The following AXIN1 variants were observed in gnomAD, a reference collection of about 807,000 sequenced individuals.
AXIN1 encodes axin 1, also known as axin-1.
A neutral mutation model predicts 76.4 loss-of-function variants in AXIN1; 30 were observed. That is an observed-to-expected ratio of 0.39 (90% CI 0.29 to 0.53). AXIN1 has a LOEUF of 0.53. Among genes scored for constraint, AXIN1 ranks in the 20% least tolerant of loss-of-function variants. The pLI is 0.66. For synonymous variants in AXIN1, 545 were observed against 501.4 expected, an observed-to-expected ratio of 1.09 and a Z score of -1.16; for missense variants, 1,140 against 1,198.8, an observed-to-expected ratio of 0.95 and a Z score of 0.72.
intron 8 of AXIN1, chr16:291,570 G>C: frequency 1.9e-6 from 1 of 528,530 alleles, no homozygotes; most frequent in Admixed American, 3.1e-5. Context: ...CTTCCGATCA[G>C]GGGTGCTGGG....
intron 2 of AXIN1, among the ~76,000 whole-genome samples, chr16:321,173 C>T (rs1265556335): frequency 2.6e-5 from 4 of 151,392 alleles, no homozygotes; most frequent in Non-Finnish European, 4.4e-5. Flanking sequence ...CCTCCTGCTA[C>T]CCACGCTCTG....
chr16:351,545 G>A (rs2054142789), intron 1 of AXIN1, among the ~76,000 whole-genome samples: 2 of 152,076 alleles, frequency 1.3e-5, no homozygotes, highest in East Asian at 1.9e-4. Flanking sequence ...GGGAGGCGGA[G>A]GTTGCAGTGA....
intron 2 of AXIN1, among the ~76,000 whole-genome samples, chr16:341,676 G>T (rs963223954): frequency 6.6e-6 from 1 of 152,262 alleles, no homozygotes; most frequent in Admixed American, 6.5e-5. Flanking sequence ...ACCCCGGTGC[G>T]GGATCCACTG....
chr16:300,772 C>T (rs553461088), intron 5 of AXIN1, among the ~76,000 whole-genome samples: 3 of 152,250 alleles, frequency 2.0e-5, no homozygotes, highest in East Asian at 1.9e-4. Context: ...CTAAAGGGCC[C>T]GGGCACTCTG....
intron 6 of AXIN1, 112 bp from the exon 7 acceptor site, chr16:297,338 C>A: frequency 7.1e-7 from 1 of 1,410,896 alleles, no homozygotes; most frequent in Non-Finnish European, 9.8e-7. Context: ...GGTGCAGCCG[C>A]CGCCCGCTGT....
rs1173131320 is a variant in AXIN1, at chr16:352,366, C to T, written c.-82+3G>A. On this transcript the variant is annotated splice_donor_region_variant and intron_variant, in intron 1 of 10. Coordinates refer to ENST00000262320, the MANE Select transcript of AXIN1 (RefSeq NM_003502.4). ...GCCCGCCCCGGAGCCCGGCCCTACT[C>T]ACCCGCGCGCGGTGGTGGCGGGACC... 1.0e-5 allele frequency: 10 copies of T among 980,312 alleles called. No individual in the cohort carries two copies. The African/African-American group carries it at 1.6e-4, about 16-fold the overall frequency. 60.7% of individuals were successfully genotyped at this position (980,312 alleles called of 1,614,324 possible).
chr16:318,433 T>C (rs1466240865), intron 2 of AXIN1, among the ~76,000 whole-genome samples: 1 of 152,122 alleles, frequency 6.6e-6, no homozygotes. Context: ...TGTTTACTAT[T>C]GATCTTCGTA....
In AXIN1 at chr16:310,905, C is replaced by T. The variant is rs139172765; in HGVS notation, c.1020-836G>A. ...ATTTCAGGATTGCACAGTGGGCAGC[C>T]AGGACAACCAGTGCCCCACGGAAAG... On this transcript the variant is annotated intron_variant, in intron 3 of 10. Coordinates refer to ENST00000262320, the MANE Select transcript of AXIN1 (RefSeq NM_003502.4). Among the ~76,000 whole-genome samples, 281 of 152,382 alleles carry T rather than the reference C, an allele frequency of 1.8e-3. 2 individuals are homozygous for T. The highest frequency in any genetic ancestry group is 6.2e-3 in the African/African-American group (258 of 41,600).
intron 2 of AXIN1, among the ~76,000 whole-genome samples, chr16:321,002 T>A (rs1050129898): frequency 1.1e-4 from 17 of 152,098 alleles, no homozygotes; most frequent in Non-Finnish European, 2.1e-4. Flanking sequence ...CCTCCCAAAG[T>A]GCTGGGATTA....
chr16:345,942 C>T (rs2054024433), intron 2 of AXIN1, among the ~76,000 whole-genome samples: 1 of 152,200 alleles, frequency 6.6e-6, no homozygotes, highest in Admixed American at 6.5e-5. Context: ...AGTCTGTTCT[C>T]AGTAAAAGTG....
At chr16:328,433 C>T (rs545153332) in intron 2 of AXIN1, among the ~76,000 whole-genome samples, 25 of 152,204 alleles carry the variant, frequency 1.6e-4, no homozygotes, top group African/African-American at 4.3e-4. Context: ...CAGTGGCTCA[C>T]GCCTGTAATC....
chr16:330,533 T>C (rs2053672937), intron 2 of AXIN1, among the ~76,000 whole-genome samples: 1 of 152,238 alleles, frequency 6.6e-6, no homozygotes, highest in African/African-American at 2.4e-5. Context: ...TGACGACCTC[T>C]TTCCTCTGCT....
chr16:333,331 T>A (rs1440477756), intron 2 of AXIN1, among the ~76,000 whole-genome samples: 1 of 144,002 alleles, frequency 6.9e-6, no homozygotes, highest in African/African-American at 2.6e-5. Flanking sequence ...AAATTCCATC[T>A]CGAAAAAAAA....
At chr16:331,097 T>C (rs2053681404) in intron 2 of AXIN1, among the ~76,000 whole-genome samples, 1 of 152,336 alleles carries the variant, frequency 6.6e-6, no homozygotes, top group Non-Finnish European at 1.5e-5. Flanking sequence ...TCATGGTCCC[T>C]GAATCCTGCA....
chr16:346,480 A>G lies in AXIN1; in HGVS notation c.546T>C (p.Phe182=). 6.2e-7 allele frequency: 1 copy of G among 1,614,150 alleles called. No individual in the cohort carries two copies. Among genetic ancestry groups the G allele is most frequent in the Non-Finnish European group, 8.5e-7 (1 of 1,180,028 alleles). The part of the protein sequence containing the change: ...IMKQLIDPAM[F]DQAQTEIQAT... ...CCTGGATTTCGGTCTGGGCCTGGTC[A>G]AACATGGCAGGATCGATCAGCTGCT... is the stretch of plus-strand genomic sequence containing the variant. The change falls in exon 2 of 11, where the codon TTT becomes TTC. Residue 182 remains phenylalanine (F), a synonymous_variant. Coordinates refer to ENST00000262320, the MANE Select transcript of AXIN1 (RefSeq NM_003502.4).
intron 2 of AXIN1, among the ~76,000 whole-genome samples, chr16:338,195 C>T (rs922276052): frequency 2.6e-5 from 4 of 152,202 alleles, no homozygotes; most frequent in African/African-American, 7.2e-5. Flanking sequence ...TGAGCAGAAC[C>T]GGAGCGTGTG....
chr16:335,397 A>G (rs937602628), intron 2 of AXIN1, among the ~76,000 whole-genome samples: 5 of 152,074 alleles, frequency 3.3e-5, no homozygotes, highest in Non-Finnish European at 7.4e-5. Context: ...AGCACCCAGT[A>G]TCATGGCACG....
intron 1 of AXIN1, among the ~76,000 whole-genome samples, chr16:351,729 C>T (rs967079187): frequency 1.4e-5 from 2 of 146,680 alleles, no homozygotes; most frequent in African/African-American, 5.0e-5. Context: ...AATATAGTGA[C>T]ACCCCATCTC....
intron 7 of AXIN1, among the ~76,000 whole-genome samples, chr16:294,755 CAA>C (rs1015576394): frequency 0.06 from 1,477 of 24,520 alleles, 6 homozygotes; most frequent in African/African-American, 0.14. Flanking sequence ...AACCCCATCT[CAA>C]AAAAAAAAAA....
Sources: gnomAD v4.1 joint callset for allele counts (sites outside exome capture counted in the v4.1 genomes callset) on GRCh38, gnomAD v4.1.1 for gene constraint, MANE v1.5 for transcripts, NCBI Gene and HGNC (gene_info 2026-07-23, HGNC 2026-07-21) for gene names.